PRKCZ: variants seen among roughly 807,000 people sequenced by gnomAD.
PRKCZ encodes the protein protein kinase C zeta.
Under a neutral mutation model 79.5 loss-of-function variants are expected in PRKCZ, and 33 were observed. That is an observed-to-expected ratio of 0.41 (90% CI 0.31 to 0.55). The LOEUF (loss-of-function observed/expected upper bound fraction) is 0.55. Among genes scored for constraint, PRKCZ ranks in the 20% least tolerant of loss-of-function variants. The pLI is 0.19. For synonymous variants in PRKCZ, 342 were observed against 320.9 expected (o/e 1.07, Z -0.70); for missense variants, 578 against 813.5 (o/e 0.71, Z 3.52).
intron 4 of PRKCZ, among the ~76,000 whole-genome samples, chr1:2,109,109 C>G (rs1408391559): frequency 6.6e-6 from 1 of 152,226 alleles, no homozygotes; most frequent in African/African-American, 2.4e-5. Flanking sequence ...TCTCCCCATC[C>G]CCACGTCCTT....
chr1:2,172,806 CAG>C lies in PRKCZ; in HGVS notation c.1285+421_1285+422del, dbSNP rs1684688368. Among the ~76,000 whole-genome samples the C allele has an allele frequency of 6.6e-6, 1 of 152,226 alleles. No individual in the cohort carries two copies. The highest frequency in any genetic ancestry group is 2.1e-4 in the South Asian group (1 of 4,832). The stretch of plus-strand genomic sequence containing the variant: ...CTGCGGCTGAGGACGCCGTGCACAC[CAG>C]AGTGTTTCTGCTCCTCTCCCCTCTC... On this transcript the variant is annotated intron_variant, in intron 13 of 17. Coordinates refer to ENST00000378567, the MANE Select transcript of PRKCZ (RefSeq NM_002744.6). This position sits in a 1 kb window ranked among gnomAD's most constrained non-coding sequence, Gnocchi z 7.8.
At chr1:2,121,719 G>C (rs988921286) in intron 4 of PRKCZ, among the ~76,000 whole-genome samples, 1 of 60,866 alleles carries the variant, frequency 1.6e-5, no homozygotes, top group African/African-American at 8.6e-5. Flanking sequence ...GGTAGTTAGG[G>C]TCACGGCGGT....
At chr1:2,144,912 G>A (rs1384656262) in intron 6 of PRKCZ, 6 of 155,336 alleles carry the variant, frequency 3.9e-5, no homozygotes, top group African/African-American at 7.3e-5. Flanking sequence ...CTGAACCACG[G>A]GGGTGAGGCC....
chr1:2,147,127 A>C (rs149435595), intron 7 of PRKCZ, among the ~76,000 whole-genome samples: 4,965 of 151,616 alleles, frequency 0.033, 125 homozygotes, highest in Middle Eastern at 0.06. Flanking sequence ...CTCTCCATCT[A>C]TCCATCTATT....
intron 6 of PRKCZ, 71 bp downstream of exon 6, chr1:2,144,412 A>C: frequency 5.9e-6 from 9 of 1,529,450 alleles, no homozygotes; most frequent in Non-Finnish European, 7.1e-6. Flanking sequence ...CCCATTGTCC[A>C]AGCAGACCTT....
Position 2,177,107 on chromosome 1 carries a change from C to T in PRKCZ, c.1575+1794C>T, listed in dbSNP as rs1572024292. The stretch of plus-strand genomic sequence containing the variant: ...TAGAGGTGGCGTCCCTTTTCTCTGG[C>T]TCAGGCACCCCTGGCCTAGTGGGGT... On this transcript the variant is annotated intron_variant, in intron 16 of 17. Transcript: ENST00000378567. This position sits in a 1 kb window ranked among gnomAD's most constrained non-coding sequence, Gnocchi z 6.4. Among the ~76,000 whole-genome samples, 1 of 152,168 alleles carries T rather than the reference C, an allele frequency of 6.6e-6. No individual in the cohort carries two copies. The highest frequency in any genetic ancestry group is 2.1e-4 in the South Asian group (1 of 4,832).
At chr1:2,162,897 G>A (rs1009618940) in intron 10 of PRKCZ, among the ~76,000 whole-genome samples, 1 of 151,640 alleles carries the variant, frequency 6.6e-6, no homozygotes, top group African/African-American at 2.4e-5. Context: ...CTTCCTTGTA[G>A]TAACTTTCAT....
rs1056446592 is a variant in PRKCZ, at chr1:2,119,278, G to A, written c.335-15984G>A. Among the ~76,000 whole-genome samples the A allele has an allele frequency of 1.2e-4, 17 of 147,446 alleles. 1 individual carries two copies. The South Asian group carries it at 1.3e-3, about 11-fold the overall frequency. On this transcript the variant is annotated intron_variant, in intron 4 of 17. Transcript: ENST00000378567. ...TGCCCAGGCTAGAGTGCAAGGGCGC[G>A]ATTTTGGCTCACTGCAACCTCCACC...
At chr1:2,073,549 T>TG (rs1661823210) in intron 4 of PRKCZ, 2 of 876,332 alleles carry the variant, frequency 2.3e-6, no homozygotes, top group Non-Finnish European at 2.7e-6. Context: ...GAGCCCTGCC[T>TG]GGGTCTGGCT....
chr1:2,135,422 G>C, intron 5 of PRKCZ, 75 bp downstream of exon 5: 18 of 1,353,594 alleles, frequency 1.3e-5, no homozygotes, highest in Non-Finnish European at 1.7e-5. Flanking sequence ...AGGAGGGGAG[G>C]CACGTCCCGC....
chr1:2,148,186 C>T (rs1020048002), intron 7 of PRKCZ, among the ~76,000 whole-genome samples: 2 of 150,702 alleles, frequency 1.3e-5, no homozygotes, highest in Admixed American at 6.6e-5. Context: ...TGTCTGTTGT[C>T]CACTGACCTC....
chr1:2,149,230 G>T lies in PRKCZ; in HGVS notation c.687+306G>T, dbSNP rs1239196169. On this transcript the variant is annotated intron_variant, in intron 8 of 17. Transcript: ENST00000378567. The surrounding 1 kb of genome is among the most constrained non-coding windows in gnomAD (Gnocchi z 4.1). ...TACAGTGGCCCAGGGGCTGGCTTTTGAGCTGCAATTTTTATCAAGTTGTGT... is the reference window on the plus strand; with the variant it reads ...TACAGTGGCCCAGGGGCTGGCTTTTTAGCTGCAATTTTTATCAAGTTGTGT... 6.6e-6 allele frequency among the ~76,000 whole-genome samples: 1 copy of T among 152,186 alleles called. No homozygotes were observed. The highest frequency in any genetic ancestry group is 1.5e-5 in the Non-Finnish European group (1 of 68,022).
rs192516033 is a variant in PRKCZ at position 2,170,040 on chromosome 1, C to T, written c.1061+436C>T. On this transcript the variant is annotated intron_variant, in intron 11 of 17. Coordinates refer to ENST00000378567, the MANE Select transcript of PRKCZ (RefSeq NM_002744.6). ...CCCTGAAGCAGCACCATGCCTCATC[C>T]GAGAGAAGTGAGAGTCTCCTGGGAT... is the stretch of plus-strand genomic sequence containing the variant. 2.3e-3 allele frequency among the ~76,000 whole-genome samples: 356 copies of T among 152,198 alleles called. 1 individual carries two copies. The highest frequency in any genetic ancestry group is 8.0e-3 in the African/African-American group (334 of 41,502).
intron 4 of PRKCZ, among the ~76,000 whole-genome samples, chr1:2,097,118 C>T (rs76891611): frequency 0.014 from 2,161 of 152,330 alleles, 25 homozygotes; most frequent in South Asian, 0.032. Flanking sequence ...CCTGGAGATA[C>T]CAGGTTGTCT....
intron 10 of PRKCZ, among the ~76,000 whole-genome samples, chr1:2,159,393 A>G (rs1392686613): frequency 6.6e-6 from 1 of 152,246 alleles, no homozygotes; most frequent in Non-Finnish European, 1.5e-5. Flanking sequence ...CTGCTGGAAC[A>G]TCCAGCTGAG....
At chr1:2,162,557 C>T (rs900948604) in intron 10 of PRKCZ, among the ~76,000 whole-genome samples, 5 of 152,234 alleles carry the variant, frequency 3.3e-5, no homozygotes, top group Admixed American at 6.5e-5. Context: ...CTCACATCCT[C>T]TTTCAGGAGA....
chr1:2,073,500 T>G, intron 4 of PRKCZ: 1 of 487,806 alleles, frequency 2.0e-6, no homozygotes, highest in Non-Finnish European at 2.7e-6. Flanking sequence ...CTTAGCTGGG[T>G]TCTGTTCTGA....
intron 4 of PRKCZ, among the ~76,000 whole-genome samples, chr1:2,099,035 T>C (rs1042312795): frequency 5.3e-5 from 8 of 151,402 alleles, no homozygotes; most frequent in African/African-American, 1.7e-4. Context: ...TTGTCTGTGC[T>C]GTGACTTCCG....
intron 4 of PRKCZ, among the ~76,000 whole-genome samples, chr1:2,105,523 C>T (rs1025583903): frequency 1.3e-5 from 2 of 152,190 alleles, no homozygotes; most frequent in Non-Finnish European, 2.9e-5. Flanking sequence ...CCTCGGCCTC[C>T]CGAGTAGCTG....
Sources: gnomAD v4.1 joint callset for allele counts (sites outside exome capture counted in the v4.1 genomes callset) on GRCh38, gnomAD v4.1.1 for gene constraint, Gnocchi (gnomAD v3.1) non-coding constraint, MANE v1.5 for transcripts, NCBI Gene and HGNC (gene_info 2026-07-23, HGNC 2026-07-21) for gene names.